Variants in SLC22A11 observed in about 807,000 individuals in gnomAD.
The protein encoded by SLC22A11 is solute carrier family 22 member 11, also known as organic anion transporter 4.
In SLC22A11, 42 loss-of-function variants were observed where a neutral mutation model predicts 49.4. The ratio of observed to expected loss-of-function variants is 0.85; its 90% CI spans 0.66 to 1.10. The LOEUF is 1.10. SLC22A11 is among the 50% of genes least tolerant of loss of function. SLC22A11 has a pLI of 0.00. For missense variants in SLC22A11, 685 were observed against 731.6 expected, an observed-to-expected ratio of 0.94 and a Z score of 0.74; for synonymous variants, 304 against 315.8, an observed-to-expected ratio of 0.96 and a Z score of 0.40.
chr11:64,561,000 C>A (rs541268321), intron 2 of SLC22A11, among the ~76,000 whole-genome samples: 23 of 152,372 alleles, frequency 1.5e-4, no homozygotes, highest in African/African-American at 4.8e-4. Flanking sequence ...CCTGCCCACG[C>A]AGTTGTCGTG....
rs2038569945 is a variant in SLC22A11 at position 64,562,871 on chromosome 11, C to A, written c.821+436C>A. Among the ~76,000 whole-genome samples, 2 of 152,190 alleles carry A rather than the reference C, an allele frequency of 1.3e-5. No individual in the cohort carries two copies. The highest frequency in any genetic ancestry group is 3.8e-4 in the East Asian group (2 of 5,202). ...GTCCCCAAGGCCCCACTGCCGCTGT[C>A]CCCTGGGCTGAGGCTGTGAGCATCG... is the stretch of plus-strand genomic sequence containing the variant. On this transcript the variant is annotated intron_variant, in intron 4 of 9. Transcript: ENST00000301891. The surrounding 1 kb of genome is among the most constrained non-coding windows in gnomAD (Gnocchi z 4.4).
At position 64,556,194 on chromosome 11, in the gene SLC22A11, C is replaced by G; in HGVS notation, c.195C>G (p.Thr65=). The change falls in exon 1 of 10, where the codon ACC becomes ACG. Residue 65 remains threonine, a synonymous_variant. Coordinates refer to ENST00000301891, the MANE Select transcript of SLC22A11 (RefSeq NM_018484.4). ...GCTCTGCGGTTTCCACAAACATGACCCCCAAGGCCCTTCTGACCATCTCCA... is the reference window on the plus strand; with the variant it reads ...GCTCTGCGGTTTCCACAAACATGACGCCCAAGGCCCTTCTGACCATCTCCA... ...DNGSAVSTNM[T]PKALLTISIP... is the part of the protein sequence containing the mutation. 1 of 1,614,176 alleles carries G rather than the reference C, an allele frequency of 6.2e-7. No homozygotes were observed. Among genetic ancestry groups the G allele is most frequent in the South Asian group, 1.1e-5 (1 of 91,084 alleles).
chr11:64,555,961 G>A lies in SLC22A11; in HGVS notation c.-39G>A, dbSNP rs79629887. On this transcript the variant is annotated 5_prime_UTR_variant, in exon 1 of 10. Coordinates refer to ENST00000301891, the MANE Select transcript of SLC22A11 (RefSeq NM_018484.4). ...TGGCTGCAATCGGTTCCAAACAGCA[G>A]TTAGGTCAGCAGTCCGCTCAGCCGA... The A allele has an allele frequency of 6.9e-4, 1,072 of 1,551,366 alleles. 5 individuals carry two copies. In the East Asian group the frequency reaches 0.011, roughly 17 times the overall value.
chr11:64,563,424 G>A (rs1484812693), intron 4 of SLC22A11, among the ~76,000 whole-genome samples: 2 of 151,940 alleles, frequency 1.3e-5, no homozygotes, highest in South Asian at 2.1e-4. Flanking sequence ...TCACCACTAC[G>A]TCAGACTGCC....
At position 64,556,014 on chromosome 11, in the gene SLC22A11, G is replaced by A. The variant is rs769129569; in HGVS notation, c.15G>A (p.Lys5=). 1.2e-6 allele frequency: 2 copies of A among 1,609,078 alleles called. No homozygotes were observed. Among genetic ancestry groups the A allele is most frequent in the Admixed American group, 3.3e-5 (2 of 59,894 alleles). The change falls in exon 1 of 10, where the codon AAG becomes AAA. Residue 5 remains lysine (K), a synonymous_variant. Transcript: ENST00000301891. ...CAGCTCTGTTCATGGCGTTCTCGAA[G>A]CTCTTGGAGCAAGCCGGAGGCGTGG... MAFS[K]LLEQAGGVGL... is the part of the protein sequence containing the mutation.
At chr11:64,566,841 C>G (rs571829254) in intron 6 of SLC22A11, 2 of 152,244 alleles carry the variant, frequency 1.3e-5, no homozygotes, top group East Asian at 1.9e-4. Context: ...TAAACGTGGC[C>G]GAGAAGAATT....
chr11:64,558,028 C>T (rs537797420), intron 1 of SLC22A11, among the ~76,000 whole-genome samples: 1 of 152,188 alleles, frequency 6.6e-6, no homozygotes, highest in South Asian at 2.1e-4. Context: ...GAACTCCTGA[C>T]CTCTGGTGAT....
rs754205832 is a variant in SLC22A11 at position 64,567,595 on chromosome 11, G to C, written c.1059-4G>C. ...AGGGACCTGACTTCCAGCCTTGCCCGCAGTTTCTCTCTATTGATCTCCTAC... is the reference window on the plus strand; with the variant it reads ...AGGGACCTGACTTCCAGCCTTGCCCCCAGTTTCTCTCTATTGATCTCCTAC... On this transcript the variant is annotated splice_polypyrimidine_tract_variant and splice_region_variant and intron_variant, in intron 6 of 9. Transcript: ENST00000301891. 81 of 1,613,146 alleles carry C rather than the reference G, an allele frequency of 5.0e-5. No homozygotes were observed. The highest frequency in any genetic ancestry group is 6.4e-5 in the Non-Finnish European group (75 of 1,179,500).
rs1469732942 is a variant in SLC22A11, at chr11:64,556,209, G to A, written c.210G>A (p.Leu70=). The change falls in exon 1 of 10, where the codon CTG becomes CTA. Residue 70 remains leucine (L), a synonymous_variant. Transcript: ENST00000301891. ...CAAACATGACCCCCAAGGCCCTTCT[G>A]ACCATCTCCATCCCGCCAGGCCCCA... ...VSTNMTPKAL[L]TISIPPGPNQ... 2 of 1,613,990 alleles carry A rather than the reference G, an allele frequency of 1.2e-6. No homozygotes were observed. The highest frequency in any genetic ancestry group is 1.7e-6 in the Non-Finnish European group (2 of 1,180,020).
chr11:64,572,340 G>C lies in SLC22A11; in HGVS notation c.*1298G>C, dbSNP rs1286950716. On this transcript the variant is annotated 3_prime_UTR_variant, in exon 10 of 10. Transcript: ENST00000301891. ...GGGGCCAGCTTGCAGAAACACGGCC[G>C]AACCCGGCCCTGATCCTAGCCCAGG... 6.6e-6 allele frequency: 1 copy of C among 152,396 alleles called. No individual in the cohort carries two copies. Among genetic ancestry groups the C allele is most frequent in the South Asian group, 2.1e-4 (1 of 4,828 alleles). The allele number at this position is 152,396 out of a possible 1,614,324, so 9.4% of individuals were successfully genotyped here. A position where few individuals can be genotyped will look rare whatever the true frequency, so the allele number is the denominator to read the frequency against.
At position 64,564,930 on chromosome 11, in the gene SLC22A11, C is replaced by T. The variant is rs1227637381; in HGVS notation, c.943-292C>T. Among the ~76,000 whole-genome samples the T allele has an allele frequency of 1.3e-5, 2 of 152,170 alleles. No individual in the cohort carries two copies. Among genetic ancestry groups the T allele is most frequent in the South Asian group, 2.1e-4 (1 of 4,834 alleles). On this transcript the variant is annotated intron_variant, in intron 5 of 9. Coordinates refer to ENST00000301891, the MANE Select transcript of SLC22A11 (RefSeq NM_018484.4). The surrounding 1 kb of genome is among the most constrained non-coding windows in gnomAD (Gnocchi z 4.2). ...AAGGTAGCTGCTTTCAGGAAACAGGCGCTGCCAGAGATTAGAGTGAAGATG... is the reference window on the plus strand; with the variant it reads ...AAGGTAGCTGCTTTCAGGAAACAGGTGCTGCCAGAGATTAGAGTGAAGATG...
At chr11:64,561,486 T>C (rs1272120641) in intron 2 of SLC22A11, among the ~76,000 whole-genome samples, 9 of 152,174 alleles carry the variant, frequency 5.9e-5, no homozygotes, top group Non-Finnish European at 1.5e-5. Context: ...GCTCATTCTG[T>C]TGAACAGCCT....
rs17372915 is a variant in SLC22A11, at chr11:64,564,096, G to A, written c.822-212G>A. Among the ~76,000 whole-genome samples the A allele has an allele frequency of 0.37, 55,654 of 151,986 alleles. 12,757 individuals carry two copies. Among genetic ancestry groups the A allele is most frequent in the Non-Finnish European group, 0.53 (35,783 of 67,896 alleles). ...CAGGCGAGCCAGATGGAGGTGGCTC[G>A]CTTGGGAAGGTGGGCGGCCAGGCAT... On this transcript the variant is annotated intron_variant, in intron 4 of 9. Coordinates refer to ENST00000301891, the MANE Select transcript of SLC22A11 (RefSeq NM_018484.4). This position sits in a 1 kb window ranked among gnomAD's most constrained non-coding sequence, Gnocchi z 4.2.
intron 4 of SLC22A11, among the ~76,000 whole-genome samples, chr11:64,563,551 G>C (rs1366298645): frequency 7.1e-6 from 1 of 141,622 alleles, no homozygotes; most frequent in Non-Finnish European, 1.5e-5. Flanking sequence ...TGAGGTTGGG[G>C]AGAAATAGAC....
rs1374789529 is a variant in SLC22A11, at chr11:64,559,134, G to T, written c.394-1G>T. ...TGAGCCACTGCACCCTCCTCTTGCA[G>T]TGGGACCTGGTGTGCAGCTCCCAGG... On this transcript the variant is annotated splice_acceptor_variant, in intron 1 of 9. Transcript: ENST00000301891. LOFTEE classifies it high-confidence loss of function. The T allele has an allele frequency of 6.2e-7, 1 of 1,613,096 alleles. No individual in the cohort carries two copies. Among genetic ancestry groups the T allele is most frequent in the Admixed American group, 1.7e-5 (1 of 59,996 alleles).
At chr11:64,557,305 C>G (rs2038475977) in intron 1 of SLC22A11, among the ~76,000 whole-genome samples, 1 of 152,232 alleles carries the variant, frequency 6.6e-6, no homozygotes, top group African/African-American at 2.4e-5. Context: ...CTGATTCAAT[C>G]CCGGCAGTCA....
intron 6 of SLC22A11, 48 bp from the exon 7 acceptor site, chr11:64,567,551 G>A: frequency 6.4e-7 from 1 of 1,574,080 alleles, no homozygotes; most frequent in Non-Finnish European, 8.7e-7. Flanking sequence ...CTGTTGGGGT[G>A]CCCTCTCCCC....
rs142010425 is a variant in SLC22A11, at chr11:64,568,479, C to T, written c.1274-191C>T. 5.2e-4 allele frequency among the ~76,000 whole-genome samples: 79 copies of T among 152,344 alleles called. No homozygotes were observed. The East Asian group carries it at 0.014, about 27-fold the overall frequency. On this transcript the variant is annotated intron_variant, in intron 7 of 9. Coordinates refer to ENST00000301891, the MANE Select transcript of SLC22A11 (RefSeq NM_018484.4). ...GGTTTCTGCCTGTGCCCCTCGGGCC[C>T]CTGCCGCGATATCGCATCCTATGCT...
chr11:64,563,610 T>TAAAAAAAAAAAAAAAAA, intron 4 of SLC22A11, among the ~76,000 whole-genome samples: 1 of 43,858 alleles, frequency 2.3e-5, no homozygotes, highest in Non-Finnish European at 3.8e-5. Flanking sequence ...TTAAATGTGC[T>TAAAAAAAAAAAAAAAAA]AAAAAAAAAA....
Sources: allele counts gnomAD v4.1 joint callset (sites outside exome capture counted in the v4.1 genomes callset), GRCh38; gene constraint gnomAD v4.1.1; non-coding constraint Gnocchi (gnomAD v3.1); transcripts MANE v1.5; gene names NCBI Gene and HGNC (gene_info 2026-07-23, HGNC 2026-07-21).